IQCF1: variants seen among roughly 807,000 people sequenced by gnomAD.
IQCF1 encodes the protein IQ domain-containing protein F1.
Under a neutral mutation model 12.5 loss-of-function variants are expected in IQCF1, and 9 were observed. The ratio of observed to expected loss-of-function variants is 0.72; its 90% confidence interval spans 0.43 to 1.26. The LOEUF (loss-of-function observed/expected upper bound fraction) is 1.26. IQCF1 is among the 50% of genes most tolerant of loss of function. The pLI is 0.00. For missense variants in IQCF1, 252 were observed against 257.4 expected (o/e 0.98, Z 0.14); for synonymous variants, 67 against 96.2 (o/e 0.70, Z 1.78).
rs1699067065 is a variant in IQCF1, at chr3:51,900,835, T to C, written c.108+2150A>G. On this transcript the variant is annotated intron_variant, in intron 2 of 3. Coordinates refer to ENST00000310914, the MANE Select transcript of IQCF1 (RefSeq NM_152397.3). This position sits in a 1 kb window ranked among gnomAD's most constrained non-coding sequence, Gnocchi z 4.2. ...CCTTGAATCCTCAAAGTTCTTTCCC[T>C]TTTCTAAGCCAGTTCCCTTCTTTAA... 6.6e-6 allele frequency among the ~76,000 whole-genome samples: 1 copy of C among 152,206 alleles called. No individual in the cohort carries two copies. The highest frequency in any genetic ancestry group is 1.5e-5 in the Non-Finnish European group (1 of 68,044).
At chr3:51,902,919 CAA>C in intron 2 of IQCF1, 64 bp downstream of exon 2, 1 of 1,188,272 alleles carries the variant, frequency 8.4e-7, no homozygotes, top group South Asian at 1.2e-5. Flanking sequence ...CAGCACCATG[CAA>C]AAGACACTAG....
Position 51,896,841 on chromosome 3 carries a change from T to C in IQCF1, c.162A>G (p.Lys54=), listed in dbSNP as rs1364929858. 3.7e-6 allele frequency: 6 copies of C among 1,612,806 alleles called. No homozygotes were observed. Among genetic ancestry groups the C allele is most frequent in the Non-Finnish European group, 5.1e-6 (6 of 1,178,946 alleles). Residue 54 remains lysine (K), a synonymous_variant, in exon 3 of 4, where the codon AAA becomes AAG. Coordinates refer to ENST00000310914, the MANE Select transcript of IQCF1 (RefSeq NM_152397.3). ...GTTTGGGAGGTCATACTTTTTCTGATTTCTCATTGGCATTGTCCACTGTCT... is the reference window on the plus strand; with the variant it reads ...GTTTGGGAGGTCATACTTTTTCTGACTTCTCATTGGCATTGTCCACTGTCT... ...ETQTVDNANE[K]SEKPPENQKK...
chr3:51,903,251 G>A lies in IQCF1; in HGVS notation c.3+19C>T, dbSNP rs1445270623. On this transcript the variant is annotated intron_variant, in intron 1 of 3. Coordinates refer to ENST00000310914, the MANE Select transcript of IQCF1 (RefSeq NM_152397.3). ...TGGGGACATCCCTAACAAGCCTGGTGTGTCTGGCTTTCTCTTACCATTGGT... is the reference window on the plus strand; with the variant it reads ...TGGGGACATCCCTAACAAGCCTGGTATGTCTGGCTTTCTCTTACCATTGGT... The A allele has an allele frequency of 1.9e-6, 3 of 1,613,674 alleles. No individual in the cohort carries two copies. Among genetic ancestry groups the A allele is most frequent in the Non-Finnish European group, 1.7e-6 (2 of 1,179,554 alleles).
intron 2 of IQCF1, among the ~76,000 whole-genome samples, chr3:51,898,424 C>G (rs745344928): frequency 5.9e-5 from 9 of 152,178 alleles, no homozygotes; most frequent in Non-Finnish European, 1.2e-4. Context: ...GGGCGTAGCC[C>G]GAAAGCACTG....
chr3:51,899,093 A>T (rs1699046760), intron 2 of IQCF1, among the ~76,000 whole-genome samples: 1 of 152,250 alleles, frequency 6.6e-6, no homozygotes, highest in African/African-American at 2.4e-5. Flanking sequence ...TTAACAGTGT[A>T]ACATGTATTA....
Position 51,900,278 on chromosome 3 carries a change from G to A in IQCF1, c.108+2707C>T, listed in dbSNP as rs574314611. On this transcript the variant is annotated intron_variant, in intron 2 of 3. Transcript: ENST00000310914. The surrounding 1 kb of genome is among the most constrained non-coding windows in gnomAD (Gnocchi z 4.2). ...CTCACCACACCTGAGTCAAGAAAGCGCCACCCCTTCCAGAGTCACGGGCCA... is the reference window on the plus strand; with the variant it reads ...CTCACCACACCTGAGTCAAGAAAGCACCACCCCTTCCAGAGTCACGGGCCA... Among the ~76,000 whole-genome samples, 3 of 152,058 alleles carry A rather than the reference G, an allele frequency of 2.0e-5. No homozygotes were observed. Among genetic ancestry groups the A allele is most frequent in the South Asian group, 2.1e-4 (1 of 4,824 alleles).
intron 2 of IQCF1, among the ~76,000 whole-genome samples, chr3:51,902,615 G>A (rs1422575897): frequency 2.0e-5 from 3 of 151,984 alleles, no homozygotes; most frequent in Non-Finnish European, 4.4e-5. Context: ...CTGCTCCGCG[G>A]TAACCATTTT....
rs371968289 is a variant in IQCF1 at position 51,895,919 on chromosome 3, G to T, written c.172-583C>A. Among the ~76,000 whole-genome samples the T allele has an allele frequency of 3.3e-4, 50 of 152,282 alleles. 8 individuals are homozygous for T. Among genetic ancestry groups the T allele is most frequent in the Admixed American group, 2.3e-3 (35 of 15,296 alleles). ...GGTTTTATTTAACCCTATATATTGT[G>T]ACTGATTTTCAAACCTGACCCTGGC... On this transcript the variant is annotated intron_variant, in intron 3 of 3. Coordinates refer to ENST00000310914, the MANE Select transcript of IQCF1 (RefSeq NM_152397.3). This position sits in a 1 kb window ranked among gnomAD's most constrained non-coding sequence, Gnocchi z 4.8.
intron 2 of IQCF1, among the ~76,000 whole-genome samples, chr3:51,901,703 A>G (rs1948879): frequency 0.67 from 101,241 of 152,188 alleles, 35,545 homozygotes; most frequent in East Asian, 0.86. Flanking sequence ...AGCAGGGAAT[A>G]CCAGATCAAT....
chr3:51,900,867 G>A lies in IQCF1; in HGVS notation c.108+2118C>T, dbSNP rs1389653808. ...AGCCAGTTCCCTTCTTTAAGCCAGT[G>A]TTATGGTATGGGGGCTGAGGTTTCA... On this transcript the variant is annotated intron_variant, in intron 2 of 3. Transcript: ENST00000310914. The surrounding 1 kb of genome is among the most constrained non-coding windows in gnomAD (Gnocchi z 4.2). 1.3e-5 allele frequency among the ~76,000 whole-genome samples: 2 copies of A among 152,178 alleles called. No homozygotes were observed. The highest frequency in any genetic ancestry group is 2.9e-5 in the Non-Finnish European group (2 of 68,036).
chr3:51,901,383 T>C (rs1365794054), intron 2 of IQCF1, among the ~76,000 whole-genome samples: 2 of 152,228 alleles, frequency 1.3e-5, no homozygotes, highest in Non-Finnish European at 2.9e-5. Context: ...TTCATGTCTC[T>C]CACGACAGGG....
intron 2 of IQCF1, among the ~76,000 whole-genome samples, chr3:51,897,108 C>T (rs1379894739): frequency 6.6e-6 from 1 of 152,162 alleles, no homozygotes; most frequent in African/African-American, 2.4e-5. Flanking sequence ...ATTACCTGCT[C>T]AGTCTCCACC....
rs200134435 is a variant in IQCF1, at chr3:51,895,201, G to A, written c.307C>T (p.Arg103Trp). 5.1e-4 allele frequency: 816 copies of A among 1,614,202 alleles called. No individual in the cohort carries two copies. Among genetic ancestry groups the A allele is most frequent in the Non-Finnish European group, 5.9e-4 (702 of 1,180,038 alleles). Residue 103 changes from arginine (R) to tryptophan (W), a missense_variant, in exon 4 of 4, where the codon CGG (arginine) becomes TGG (tryptophan). Physicochemically the swap from Arg to Trp is moderately radical, Grantham distance 101. Transcript: ENST00000310914. This position sits in a 1 kb window ranked among gnomAD's most constrained non-coding sequence, Gnocchi z 4.8. ...TTCAGAATCTTGGACAGTATCAGCC[G>A]CCACCAGCACTGAATGATGCAGGCA... ...LSACIIQCWW[R>W]LILSKILKKR...
At chr3:51,896,695 GCACA>G (rs766593079) in intron 3 of IQCF1, 133 bp downstream of exon 3, 521 of 556,124 alleles carry the variant, frequency 9.4e-4, no homozygotes, top group East Asian at 3.6e-3. Flanking sequence ...AAACACGCGC[GCACA>G]CACACACACA....
chr3:51,898,390 C>T (rs1193403418), intron 2 of IQCF1, among the ~76,000 whole-genome samples: 1 of 152,160 alleles, frequency 6.6e-6, no homozygotes, highest in Non-Finnish European at 1.5e-5. Flanking sequence ...CAGTCCAATA[C>T]CACCTTGTTG....
intron 2 of IQCF1, among the ~76,000 whole-genome samples, chr3:51,898,224 G>T (rs1216156858): frequency 6.9e-6 from 1 of 145,030 alleles, no homozygotes; most frequent in African/African-American, 2.6e-5. Context: ...GTCAAAGAGA[G>T]AGAGAAAGAG....
At position 51,896,787 on chromosome 3, in the gene IQCF1, C is replaced by G. The variant is rs770385200; in HGVS notation, c.171+45G>C. 4 of 1,427,266 alleles carry G rather than the reference C, an allele frequency of 2.8e-6. No homozygotes were observed. The South Asian group carries it at 4.6e-5, about 16-fold the overall frequency. The allele number at this position is 1,427,266 out of a possible 1,614,324, so 88.4% of individuals were successfully genotyped here. ...GGTCATTCCATTCCACCAGCACAGC[C>G]CCCACATCCCCAGCCCCAGCCCTGT... On this transcript the variant is annotated intron_variant, in intron 3 of 3. Coordinates refer to ENST00000310914, the MANE Select transcript of IQCF1 (RefSeq NM_152397.3).
intron 2 of IQCF1, 50 bp downstream of exon 2, chr3:51,902,935 C>T (rs759300505): frequency 1.5e-6 from 2 of 1,347,646 alleles, no homozygotes; most frequent in Admixed American, 3.4e-5. Flanking sequence ...ACACTAGCTA[C>T]TAGCACTAGG....
intron 2 of IQCF1, among the ~76,000 whole-genome samples, chr3:51,899,609 CAT>C (rs1699052143): frequency 6.6e-6 from 1 of 152,170 alleles, no homozygotes; most frequent in Non-Finnish European, 1.5e-5. Context: ...TGTGTGTAAA[CAT>C]ATTGGCTAAA....
Sources: gnomAD v4.1 joint callset for allele counts (sites outside exome capture counted in the v4.1 genomes callset) on GRCh38, gnomAD v4.1.1 for gene constraint, Gnocchi (gnomAD v3.1) non-coding constraint, MANE v1.5 for transcripts, NCBI Gene and HGNC (gene_info 2026-07-23, HGNC 2026-07-21) for gene names.